PCDH7: variants seen among roughly 807,000 people sequenced by gnomAD.
PCDH7 encodes protocadherin-7.
Under a neutral mutation model 58.9 loss-of-function variants are expected in PCDH7, and 17 were observed. The ratio of observed to expected loss-of-function variants is 0.29; its 90% CI spans 0.20 to 0.43. The LOEUF (loss-of-function observed/expected upper bound fraction) is 0.43, where lower values mean the gene tolerates loss of function less well. Among genes scored for constraint, PCDH7 ranks in the 20% least tolerant of loss-of-function variants. The pLI, the probability that PCDH7 is intolerant of heterozygous loss-of-function variation, is 1.00. For synonymous variants in PCDH7, 664 were observed against 616.4 expected (o/e 1.08, Z -1.14); for missense variants, 1,274 against 1,441.0 (o/e 0.88, Z 1.88).
intron 1 of PCDH7, among the ~76,000 whole-genome samples, chr4:30,897,808 T>C (rs1164746576): frequency 6.6e-6 from 1 of 152,192 alleles, no homozygotes; most frequent in African/African-American, 2.4e-5. Context: ...AGTGATATCC[T>C]GGGAATGCAA....
At chr4:31,098,315 C>T (rs961257108) in intron 3 of PCDH7, among the ~76,000 whole-genome samples, 5 of 152,112 alleles carry the variant, frequency 3.3e-5, no homozygotes, top group Non-Finnish European at 7.4e-5. Context: ...ATTTCTAGTA[C>T]AATTTGAGTC....
intron 1 of PCDH7, among the ~76,000 whole-genome samples, chr4:30,862,873 T>G (rs555351823): frequency 6.6e-6 from 1 of 152,226 alleles, no homozygotes; most frequent in Non-Finnish European, 1.5e-5. Flanking sequence ...GAGACTGATT[T>G]AGTGTCGCCC....
intron 3 of PCDH7, among the ~76,000 whole-genome samples, chr4:31,056,453 AGAAAG>A (rs1757191992): frequency 2.2e-5 from 1 of 46,058 alleles, no homozygotes; most frequent in Non-Finnish European, 3.8e-5. Flanking sequence ...AAAGAAAGAA[AGAAAG>A]AAGAAAGAAA....
At chr4:31,111,679 G>A (rs553146919) in intron 3 of PCDH7, among the ~76,000 whole-genome samples, 7 of 152,154 alleles carry the variant, frequency 4.6e-5, no homozygotes, top group Admixed American at 6.5e-5. Flanking sequence ...AGAACAATAA[G>A]CAATACTATA....
rs569013139 is a variant in PCDH7, at chr4:30,875,051, A to G, written c.71-45102A>G. On this transcript the variant is annotated intron_variant, in intron 1 of 3. Transcript: ENST00000509759. ...ATTTTCAAGTTGGCTAAGACCTTAG[A>G]GACTGTATTAGTTTGCTAGCACTGT... Among the ~76,000 whole-genome samples, 62 of 152,210 alleles carry G rather than the reference A, an allele frequency of 4.1e-4. 1 individual carries two copies. The highest frequency in any genetic ancestry group is 1.0e-3 in the Admixed American group (16 of 15,256).
At chr4:30,912,321 T>G (rs1741883571) in intron 1 of PCDH7, among the ~76,000 whole-genome samples, 1 of 152,238 alleles carries the variant, frequency 6.6e-6, no homozygotes, top group Non-Finnish European at 1.5e-5. Flanking sequence ...TGGTTGAGAC[T>G]GTTTGCAGAT....
chr4:30,724,452 G>A (rs1003912457), exon 1 of PCDH7: 16 of 1,613,826 alleles, frequency 9.9e-6, no homozygotes, highest in African/African-American at 1.3e-5. Flanking sequence ...TTCATCCCCA[G>A]TCACCAACTG....
chr4:30,876,971 G>A (rs186495904), intron 1 of PCDH7, among the ~76,000 whole-genome samples: 49 of 152,064 alleles, frequency 3.2e-4, no homozygotes, highest in Non-Finnish European at 6.0e-4. Flanking sequence ...TGTTCTCATC[G>A]TTATGATGAA....
chr4:30,830,320 C>T (rs6842641), intron 1 of PCDH7, among the ~76,000 whole-genome samples: 39,961 of 151,894 alleles, frequency 0.26, 5,976 homozygotes, highest in African/African-American at 0.41. Context: ...ACATCACATA[C>T]ATCTATACAT....
chr4:30,938,410 T>C (rs1745608947), intron 2 of PCDH7, among the ~76,000 whole-genome samples: 1 of 151,982 alleles, frequency 6.6e-6, no homozygotes, highest in African/African-American at 2.4e-5. Flanking sequence ...TTAATGTATA[T>C]TTGGGATACT....
intron 3 of PCDH7, among the ~76,000 whole-genome samples, chr4:31,116,861 G>A (rs1054648118): frequency 6.6e-6 from 1 of 152,066 alleles, no homozygotes; most frequent in African/African-American, 2.4e-5. Flanking sequence ...TTGAGACGGA[G>A]TTTCGCTCTT....
At chr4:31,014,708 C>A (rs1275672318) in intron 3 of PCDH7, among the ~76,000 whole-genome samples, 1 of 152,114 alleles carries the variant, frequency 6.6e-6, no homozygotes, top group Non-Finnish European at 1.5e-5. Context: ...GTAATGTATT[C>A]TATAAAATTA....
intron 1 of PCDH7, among the ~76,000 whole-genome samples, chr4:30,894,489 AAATATATATATAT>A (rs1317220534): frequency 2.2e-3 from 99 of 45,910 alleles, no homozygotes; most frequent in Non-Finnish European, 3.4e-3. Context: ...AAAAAAAAAA[AAATATATATATAT>A]ATATATATAT....
At chr4:31,008,147 G>A (rs931304937) in intron 3 of PCDH7, among the ~76,000 whole-genome samples, 10 of 151,998 alleles carry the variant, frequency 6.6e-5, no homozygotes, top group African/African-American at 2.2e-4. Flanking sequence ...AGGAGAAAAG[G>A]TGCATTAGTC....
At chr4:31,024,108 G>A (rs1156342998) in intron 3 of PCDH7, among the ~76,000 whole-genome samples, 1 of 152,174 alleles carries the variant, frequency 6.6e-6, no homozygotes, top group Non-Finnish European at 1.5e-5. Context: ...TGTTTGAAGA[G>A]AGTTCTGTGT....
At chr4:31,056,884 T>G (rs977546095) in intron 3 of PCDH7, among the ~76,000 whole-genome samples, 4 of 152,138 alleles carry the variant, frequency 2.6e-5, no homozygotes, top group African/African-American at 9.7e-5. Context: ...CCAGCCAACA[T>G]TTTCTTAAAT....
At chr4:30,898,683 C>T (rs970503181) in intron 1 of PCDH7, among the ~76,000 whole-genome samples, 12 of 152,290 alleles carry the variant, frequency 7.9e-5, no homozygotes, top group East Asian at 1.9e-4. Context: ...CTCCACCTCC[C>T]GGGTTCACAC....
chr4:30,773,704 G>T (rs924645539), intron 1 of PCDH7, among the ~76,000 whole-genome samples: 3 of 152,088 alleles, frequency 2.0e-5, no homozygotes, highest in Non-Finnish European at 4.4e-5. Context: ...GAGGGTTGCT[G>T]TCTCTCCAGC....
At chr4:30,797,449 T>A (rs893949388) in intron 1 of PCDH7, among the ~76,000 whole-genome samples, 2 of 151,894 alleles carry the variant, frequency 1.3e-5, no homozygotes, top group African/African-American at 4.8e-5. Context: ...ATTTTTTTTG[T>A]AGTTTTAGTA....
Sources: allele counts gnomAD v4.1 joint callset (sites outside exome capture counted in the v4.1 genomes callset), GRCh38; gene constraint gnomAD v4.1.1; transcripts MANE v1.5; gene names NCBI Gene and HGNC (gene_info 2026-07-23, HGNC 2026-07-21).